The following TMCC1 variants were observed in gnomAD, a reference collection of about 807,000 sequenced individuals.
TMCC1 encodes the protein transmembrane and coiled-coil domains protein 1.
A neutral mutation model predicts 52.4 loss-of-function variants in TMCC1; 15 were observed. The ratio of observed to expected loss-of-function variants is 0.29; its 90% CI spans 0.19 to 0.44. The LOEUF is 0.44. Ranked by LOEUF, TMCC1 falls within the 20% of genes least tolerant of loss-of-function variation. TMCC1 has a pLI of 1.00. For missense variants in TMCC1, 503 were observed against 806.0 expected (o/e 0.62, Z 4.55); for synonymous variants, 279 against 301.9 (o/e 0.92, Z 0.79).
intron 2 of TMCC1, among the ~76,000 whole-genome samples, chr3:129,871,501 G>C (rs1329490228): frequency 6.6e-6 from 1 of 151,346 alleles, no homozygotes; most frequent in East Asian, 1.9e-4. Context: ...CCCAGTTTTA[G>C]TATCATTTAT....
At chr3:129,835,987 A>C (rs566004266) in intron 2 of TMCC1, among the ~76,000 whole-genome samples, 1 of 152,348 alleles carries the variant, frequency 6.6e-6, no homozygotes, top group South Asian at 2.1e-4. Flanking sequence ...TTAAAAAAAA[A>C]TTAATCAAGA....
At chr3:129,684,356 C>T (rs1035198160) in intron 4 of TMCC1, among the ~76,000 whole-genome samples, 3 of 152,160 alleles carry the variant, frequency 2.0e-5, no homozygotes, top group African/African-American at 7.2e-5. Context: ...TGGTAAGGAT[C>T]CAATTTTCAT....
chr3:129,768,595 A>G (rs2107695799), intron 4 of TMCC1, among the ~76,000 whole-genome samples: 1 of 152,342 alleles, frequency 6.6e-6, no homozygotes, highest in South Asian at 2.1e-4. Context: ...TGAGCACTAA[A>G]TTGCAAAGAA....
At chr3:129,755,998 T>C (rs1263395810) in intron 4 of TMCC1, among the ~76,000 whole-genome samples, 1 of 150,760 alleles carries the variant, frequency 6.6e-6, no homozygotes, top group Non-Finnish European at 1.5e-5. Flanking sequence ...CGCAGGAGGC[T>C]GATGCAGGAG....
intron 4 of TMCC1, among the ~76,000 whole-genome samples, chr3:129,745,721 G>A (rs570949961): frequency 3.0e-4 from 46 of 152,114 alleles, no homozygotes; most frequent in African/African-American, 1.1e-3. Context: ...CAGCACTTTG[G>A]GAGGCCGAGG....
intron 1 of TMCC1, chr3:129,892,662 T>A (rs2062024039): frequency 6.6e-6 from 1 of 152,182 alleles, no homozygotes; most frequent in South Asian, 2.1e-4. Context: ...CCAACGGGCG[T>A]TGCGGGGGCC....
At chr3:129,655,273 A>C (rs1163690644) in intron 5 of TMCC1, among the ~76,000 whole-genome samples, 170 bp from the exon 6 acceptor site, 1 of 152,186 alleles carries the variant, frequency 6.6e-6, no homozygotes, top group African/African-American at 2.4e-5. Context: ...GTCTCTGGAA[A>C]AGATAGCTTG....
intron 4 of TMCC1, among the ~76,000 whole-genome samples, chr3:129,787,152 A>G (rs1279922491): frequency 1.3e-5 from 2 of 152,204 alleles, no homozygotes; most frequent in African/African-American, 2.4e-5. Context: ...ATATTAGATA[A>G]TTCTTTTCAC....
At position 129,772,722 on chromosome 3, in the gene TMCC1, C is replaced by CAA. The variant is rs34785535; in HGVS notation, c.576+55079_576+55080dup. Among the ~76,000 whole-genome samples, 64 of 76,098 alleles carry CAA rather than the reference C, an allele frequency of 8.4e-4. 1 individual carries two copies. The highest frequency in any genetic ancestry group is 7.9e-3 in the Middle Eastern group (1 of 126). 49.9% of individuals were successfully genotyped at this position (76,098 alleles called of 152,430 possible). ...TGGGTGACAGAGCAAGACTCCGCCT[C>CAA]AAAAAAAAAAAAAAAAAAAAAACTG... is the stretch of plus-strand genomic sequence containing the variant. On this transcript the variant is annotated intron_variant, in intron 4 of 6. Transcript: ENST00000393238.
At chr3:129,703,549 G>T (rs939748526) in intron 4 of TMCC1, among the ~76,000 whole-genome samples, 1 of 152,180 alleles carries the variant, frequency 6.6e-6, no homozygotes, top group Non-Finnish European at 1.5e-5. Context: ...GATTTATGGG[G>T]CTTAAAATGA....
intron 2 of TMCC1, among the ~76,000 whole-genome samples, chr3:129,838,201 A>C (rs1473133432): frequency 1.3e-5 from 2 of 152,024 alleles, no homozygotes; most frequent in Non-Finnish European, 2.9e-5. Flanking sequence ...GCTTGAGCCC[A>C]GGAGACCAGC....
chr3:129,676,431 A>G (rs1425129230), intron 4 of TMCC1, among the ~76,000 whole-genome samples: 1 of 152,228 alleles, frequency 6.6e-6, no homozygotes, highest in African/African-American at 2.4e-5. Flanking sequence ...TCTGCATTGT[A>G]TCTCTTAATA....
intron 1 of TMCC1, among the ~76,000 whole-genome samples, chr3:129,883,130 AACACACAC>A (rs59492665): frequency 2.0e-5 from 3 of 146,792 alleles, no homozygotes; most frequent in East Asian, 2.1e-4. Flanking sequence ...CTCTACTAAA[AACACACAC>A]ACACACACAC....
intron 1 of TMCC1, among the ~76,000 whole-genome samples, chr3:129,882,584 T>C (rs1290080711): frequency 6.6e-6 from 1 of 152,226 alleles, no homozygotes; most frequent in Non-Finnish European, 1.5e-5. Flanking sequence ...GCAGCATTAT[T>C]CATGATAGCC....
At chr3:129,671,743 G>A (rs1479293485) in intron 4 of TMCC1, among the ~76,000 whole-genome samples, 1 of 152,132 alleles carries the variant, frequency 6.6e-6, no homozygotes, top group Non-Finnish European at 1.5e-5. Context: ...GGCAAGAATA[G>A]GTATGTTACT....
chr3:129,812,336 C>CAAAA lies in TMCC1; in HGVS notation c.576+15463_576+15466dup, dbSNP rs11387876. ...TAGGCAACAGAGCAAGACTCTGTCT[C>CAAAA]AAAAAAAAAAAAAAAAAAAAAAAGC... On this transcript the variant is annotated intron_variant, in intron 4 of 6. Transcript: ENST00000393238. 1.5e-3 allele frequency among the ~76,000 whole-genome samples: 84 copies of CAAAA among 55,938 alleles called. 5 individuals are homozygous for CAAAA. Among genetic ancestry groups the CAAAA allele is most frequent in the African/African-American group, 4.9e-3 (59 of 12,164 alleles). The allele number at this position is 55,938 out of a possible 152,430, so 36.7% of individuals were successfully genotyped here.
intron 4 of TMCC1, among the ~76,000 whole-genome samples, chr3:129,719,063 T>G (rs1409946000): frequency 6.6e-6 from 1 of 152,212 alleles, no homozygotes; most frequent in Non-Finnish European, 1.5e-5. Flanking sequence ...TCTTTTTGTA[T>G]GCTAATAAGA....
Position 129,649,946 on chromosome 3 carries a change from T to C in TMCC1, c.*1535A>G, listed in dbSNP as rs1272724178. The C allele has an allele frequency of 6.6e-6, 1 of 152,600 alleles. No individual in the cohort carries two copies. Among genetic ancestry groups the C allele is most frequent in the African/African-American group, 2.4e-5 (1 of 41,446 alleles). The allele number at this position is 152,600 out of a possible 1,614,324, so 9.5% of individuals were successfully genotyped here. A position where few individuals can be genotyped will look rare whatever the true frequency, so the allele number is the denominator to read the frequency against. The stretch of plus-strand genomic sequence containing the variant: ...ATCTATAGAAGTCCACTGAGCATAA[T>C]TAGGTTAGGTTAACAAGTCCGTTTA... On this transcript the variant is annotated 3_prime_UTR_variant, in exon 7 of 7. Transcript: ENST00000393238.
intron 4 of TMCC1, among the ~76,000 whole-genome samples, chr3:129,683,239 A>G (rs945580989): frequency 6.6e-6 from 1 of 152,240 alleles, no homozygotes; most frequent in Admixed American, 6.5e-5. Flanking sequence ...AGTATTATTT[A>G]AACAGTCTCC....
Sources: allele counts gnomAD v4.1 joint callset (sites outside exome capture counted in the v4.1 genomes callset), GRCh38; gene constraint gnomAD v4.1.1; transcripts MANE v1.5; gene names NCBI Gene and HGNC (gene_info 2026-07-23, HGNC 2026-07-21).